TFEC: variants seen among roughly 807,000 people sequenced by gnomAD.
The protein encoded by TFEC is transcription factor EC.
In TFEC, 31 loss-of-function variants were observed where a neutral mutation model predicts 41.6. The observed-to-expected ratio is 0.74, with a 90% confidence interval of 0.56 to 1.01. The LOEUF (loss-of-function observed/expected upper bound fraction) is 1.01, where lower values mean the gene tolerates loss of function less well. TFEC is among the 50% of genes least tolerant of loss of function. The pLI is 0.00. For synonymous variants in TFEC, 143 were observed against 140.6 expected, an observed-to-expected ratio of 1.02 and a Z score of -0.12; for missense variants, 402 against 404.1, an observed-to-expected ratio of 0.99 and a Z score of 0.04.
chr7:115,964,676 T>A (rs1360791667), intron 3 of TFEC, among the ~76,000 whole-genome samples: 1 of 151,624 alleles, frequency 6.6e-6, no homozygotes, highest in South Asian at 2.1e-4. Context: ...GGTAATTTAA[T>A]AAATAATATG....
At chr7:116,136,383 A>C (rs1003904787) in intron 1 of TFEC, among the ~76,000 whole-genome samples, 5 of 152,034 alleles carry the variant, frequency 3.3e-5, no homozygotes, top group Non-Finnish European at 7.4e-5. Context: ...AGATTTCATC[A>C]AGCCTATGGT....
intron 3 of TFEC, among the ~76,000 whole-genome samples, chr7:116,081,483 C>T (rs893331195): frequency 6.6e-6 from 1 of 152,048 alleles, no homozygotes; most frequent in Non-Finnish European, 1.5e-5. Flanking sequence ...CAGCCCTACT[C>T]TTCTCTATGA....
chr7:115,959,521 G>C (rs952075459), intron 3 of TFEC, among the ~76,000 whole-genome samples: 1 of 151,572 alleles, frequency 6.6e-6, no homozygotes, highest in Non-Finnish European at 1.5e-5. Context: ...TGAGCTAGCA[G>C]GTCAAAATAT....
At chr7:116,033,839 T>C (rs367977398), upstream of TFEC, among the ~76,000 whole-genome samples, 1 of 152,138 alleles carries the variant, frequency 6.6e-6, no homozygotes, top group Non-Finnish European at 1.5e-5. Flanking sequence ...CACCAGATGT[T>C]ACTCCATTTC....
intron 4 of TFEC, among the ~76,000 whole-genome samples, chr7:115,956,124 T>C (rs900904098): frequency 6.6e-6 from 1 of 151,996 alleles, no homozygotes; most frequent in African/African-American, 2.4e-5. Flanking sequence ...TTGGAAGAAT[T>C]TGACTATGCT....
intron 3 of TFEC, among the ~76,000 whole-genome samples, chr7:116,060,752 A>G (rs913662458): frequency 6.6e-5 from 10 of 152,060 alleles, no homozygotes; most frequent in Non-Finnish European, 1.3e-4. Context: ...AAAGATAACT[A>G]TTGGGCACTG....
chr7:116,135,640 T>C (rs1798419089), intron 1 of TFEC, among the ~76,000 whole-genome samples: 1 of 152,166 alleles, frequency 6.6e-6, no homozygotes, highest in Non-Finnish European at 1.5e-5. Flanking sequence ...CATGCACTTC[T>C]ACCCTCTTTT....
intron 5 of TFEC, among the ~76,000 whole-genome samples, chr7:115,953,064 G>A (rs940738283): frequency 6.6e-6 from 1 of 151,926 alleles, no homozygotes; most frequent in Non-Finnish European, 1.5e-5. Context: ...CTGACCAATG[G>A]GCAGTTGTTT....
At chr7:116,048,267 A>G (rs1026420273) in intron 3 of TFEC, among the ~76,000 whole-genome samples, 8 of 152,258 alleles carry the variant, frequency 5.3e-5, no homozygotes, top group Non-Finnish European at 5.9e-5. Flanking sequence ...TAGAATAACC[A>G]GTGTAGAGAA....
intron 2 of TFEC, 92 bp downstream of exon 2, chr7:115,984,170 A>T (rs1793746354): frequency 1.1e-5 from 16 of 1,471,436 alleles, no homozygotes; most frequent in Non-Finnish European, 1.5e-5. Flanking sequence ...TTGCAATCAG[A>T]ATGTTTACTG....
intron 3 of TFEC, among the ~76,000 whole-genome samples, chr7:116,051,189 C>G (rs1349672806): frequency 6.6e-6 from 1 of 152,092 alleles, no homozygotes; most frequent in East Asian, 1.9e-4. Context: ...GGAGATATAC[C>G]TAATGTAAAT....
At chr7:116,015,080 A>T in intron 1 of TFEC, among the ~76,000 whole-genome samples, 1 of 150,080 alleles carries the variant, frequency 6.7e-6, no homozygotes, top group East Asian at 1.9e-4. Flanking sequence ...ATATATACTT[A>T]TATATCATTA....
At chr7:116,095,329 A>C (rs968233474) in intron 3 of TFEC, among the ~76,000 whole-genome samples, 5 of 152,224 alleles carry the variant, frequency 3.3e-5, no homozygotes, top group Non-Finnish European at 5.9e-5. Context: ...AAAACAAAAC[A>C]AAAGTGTGTG....
At chr7:116,009,454 T>C (rs967212882) in intron 1 of TFEC, among the ~76,000 whole-genome samples, 1 of 152,164 alleles carries the variant, frequency 6.6e-6, no homozygotes, top group South Asian at 2.1e-4. Flanking sequence ...TTAGCATTAA[T>C]TGAATCTGCA....
intron 3 of TFEC, among the ~76,000 whole-genome samples, chr7:116,047,781 AG>A (rs1304220953): frequency 2.0e-5 from 3 of 152,166 alleles, no homozygotes; most frequent in African/African-American, 7.2e-5. Context: ...TCATACAGCC[AG>A]GTGCCCCTCT....
chr7:116,130,827 G>T (rs1318388952), intron 1 of TFEC, among the ~76,000 whole-genome samples: 2 of 152,134 alleles, frequency 1.3e-5, no homozygotes, highest in Non-Finnish European at 2.9e-5. Flanking sequence ...GCTCAGGCTG[G>T]TTTCAAACTC....
At chr7:116,003,031 AAATAGT>A (rs1322382969) in intron 1 of TFEC, among the ~76,000 whole-genome samples, 2 of 152,316 alleles carry the variant, frequency 1.3e-5, no homozygotes, top group East Asian at 3.9e-4. Context: ...AACAAATAGA[AAATAGT>A]AACACATAGA....
chr7:116,068,036 T>A (rs913506716), intron 3 of TFEC, among the ~76,000 whole-genome samples: 1 of 151,870 alleles, frequency 6.6e-6, no homozygotes, highest in Admixed American at 6.6e-5. Context: ...AATAAGTCCA[T>A]AAAAATATCG....
At chr7:116,097,811 AAAAAC>A (rs1450950246) in intron 3 of TFEC, among the ~76,000 whole-genome samples, 1 of 152,218 alleles carries the variant, frequency 6.6e-6, no homozygotes, top group African/African-American at 2.4e-5. Context: ...GCAACCACTA[AAAAAC>A]AAAACAAAAC....
Sources: gnomAD v4.1 joint callset for allele counts (sites outside exome capture counted in the v4.1 genomes callset) on GRCh38, gnomAD v4.1.1 for gene constraint, MANE v1.5 for transcripts, NCBI Gene and HGNC (gene_info 2026-07-23, HGNC 2026-07-21) for gene names.